The following FAM193A variants were observed in gnomAD, a reference collection of about 807,000 sequenced individuals.
The protein encoded by FAM193A is family with sequence similarity 193 member A.
In FAM193A, 22 loss-of-function variants were observed where a neutral mutation model predicts 126.5. The observed-to-expected ratio is 0.17, with a 90% CI of 0.12 to 0.25. The LOEUF (loss-of-function observed/expected upper bound fraction) is 0.25, where lower values mean the gene tolerates loss of function less well. FAM193A is among the 10% of genes least tolerant of loss of function. FAM193A has a pLI of 1.00. For synonymous variants in FAM193A, 761 were observed against 646.8 expected, an observed-to-expected ratio of 1.18 and a Z score of -2.68; for missense variants, 1,675 against 1,672.8, an observed-to-expected ratio of 1.00 and a Z score of -0.02.
chr4:2,557,891 G>A (rs1738355152), intron 1 of FAM193A, among the ~76,000 whole-genome samples: 1 of 152,076 alleles, frequency 6.6e-6, no homozygotes, highest in Non-Finnish European at 1.5e-5. Flanking sequence ...GGCAGAAGTT[G>A]CAGTGAGCCA....
At chr4:2,640,713 C>G (rs1744529752) in intron 6 of FAM193A, among the ~76,000 whole-genome samples, 2 of 152,148 alleles carry the variant, frequency 1.3e-5, no homozygotes, top group South Asian at 4.1e-4. Context: ...CCTGTAATTC[C>G]AACACTTTGG....
chr4:2,563,455 G>C (rs1177378993), intron 1 of FAM193A, among the ~76,000 whole-genome samples: 1 of 149,840 alleles, frequency 6.7e-6, no homozygotes, highest in South Asian at 2.2e-4. Context: ...TATAATCCCA[G>C]TACTTTTGGG....
chr4:2,657,758 A>G (rs1253034516), intron 7 of FAM193A, 45 bp from the exon 8 acceptor site: 5 of 1,273,444 alleles, frequency 3.9e-6, no homozygotes, highest in South Asian at 3.9e-5. Flanking sequence ...TGTCGCAGGT[A>G]TTAAAGTTTT....
intron 5 of FAM193A, among the ~76,000 whole-genome samples, chr4:2,638,242 C>T (rs1190614555): frequency 6.6e-6 from 1 of 152,198 alleles, no homozygotes; most frequent in African/African-American, 2.4e-5. Flanking sequence ...TCTTCTGTTC[C>T]CCGGGAACTC....
At chr4:2,644,043 C>G (rs953567899) in intron 6 of FAM193A, among the ~76,000 whole-genome samples, 1 of 152,172 alleles carries the variant, frequency 6.6e-6, no homozygotes, top group African/African-American at 2.4e-5. Flanking sequence ...ATGCTGCTGT[C>G]TTGTATTTGC....
rs376909276 is a variant in FAM193A at position 2,607,930 on chromosome 4, T to A, written c.501+11601T>A. On this transcript the variant is annotated intron_variant, in intron 2 of 20. Coordinates refer to ENST00000637812, the MANE Select transcript of FAM193A (RefSeq NM_001366318.2). ...GTTTTTCACTATGTGATGGTGTCGC[T>A]TTATGAACACAGATTCTTTTCTTTT... 5 of 1,326,252 alleles carry A rather than the reference T, an allele frequency of 3.8e-6. No homozygotes were observed. The South Asian group carries it at 5.3e-5, about 14-fold the overall frequency. 82.2% of individuals were successfully genotyped at this position (1,326,252 alleles called of 1,614,324 possible). A position where few individuals can be genotyped will look rare whatever the true frequency, so the allele number is the denominator to read the frequency against.
rs750424368 is a variant in FAM193A at position 2,693,764 on chromosome 4, C to T, written c.2982C>T (p.Pro994=). 6.2e-7 allele frequency: 1 copy of T among 1,614,202 alleles called. No individual in the cohort carries two copies. Among genetic ancestry groups the T allele is most frequent in the Non-Finnish European group, 8.5e-7 (1 of 1,180,032 alleles). The change falls in exon 16 of 21, where the codon CCC becomes CCT. Residue 994 remains proline, a synonymous_variant. Coordinates refer to ENST00000637812, the MANE Select transcript of FAM193A (RefSeq NM_001366318.2). ...CAAATCTTGCAGCCCCATCATTCCCCAAAACAGCAACCACAACTCCTGGGT... is the reference window on the plus strand; with the variant it reads ...CAAATCTTGCAGCCCCATCATTCCCTAAAACAGCAACCACAACTCCTGGGT... ...HLANLAAPSF[P]KTATTTPGFV...
At chr4:2,624,369 C>T (rs751664655) in intron 2 of FAM193A, among the ~76,000 whole-genome samples, 8 of 152,194 alleles carry the variant, frequency 5.3e-5, no homozygotes, top group African/African-American at 1.9e-4. Context: ...GTCTTGAACT[C>T]CTGACCTCAG....
chr4:2,585,585 T>C (rs934264731), intron 1 of FAM193A, among the ~76,000 whole-genome samples: 1 of 152,040 alleles, frequency 6.6e-6, no homozygotes, highest in Non-Finnish European at 1.5e-5. Context: ...CATTTTTCAC[T>C]TTTTTTTGTC....
At chr4:2,620,554 A>G (rs1742476555) in intron 2 of FAM193A, among the ~76,000 whole-genome samples, 1 of 151,892 alleles carries the variant, frequency 6.6e-6, no homozygotes, top group Admixed American at 6.6e-5. Flanking sequence ...AACATAAAGA[A>G]TAATTAGCAA....
In FAM193A at chr4:2,570,765, C is replaced by T. The variant is rs147317687; in HGVS notation, c.256-25319C>T. On this transcript the variant is annotated intron_variant, in intron 1 of 20. Coordinates refer to ENST00000637812, the MANE Select transcript of FAM193A (RefSeq NM_001366318.2). ...AGCTCCTCCTCAGATCAGGGCTAGGCTAGTTTTCAGGCCCCACTCCCCGGC... is the reference window on the plus strand; with the variant it reads ...AGCTCCTCCTCAGATCAGGGCTAGGTTAGTTTTCAGGCCCCACTCCCCGGC... Among the ~76,000 whole-genome samples the T allele has an allele frequency of 3.7e-3, 566 of 152,252 alleles. 5 individuals are homozygous for T. The highest frequency in any genetic ancestry group is 7.1e-3 in the Non-Finnish European group (480 of 68,012).
chr4:2,595,411 G>T (rs1314917219), intron 1 of FAM193A, among the ~76,000 whole-genome samples: 3 of 152,110 alleles, frequency 2.0e-5, no homozygotes, highest in Non-Finnish European at 4.4e-5. Context: ...TGATAGAGTG[G>T]GTGGTTATCT....
chr4:2,649,134 G>T (rs563695086), intron 7 of FAM193A, among the ~76,000 whole-genome samples: 4 of 152,318 alleles, frequency 2.6e-5, no homozygotes, highest in African/African-American at 7.2e-5. Context: ...AGCACTTTGG[G>T]AGGCTAAGGT....
At chr4:2,687,564 G>A (rs181339673) in intron 13 of FAM193A, among the ~76,000 whole-genome samples, 3 of 152,296 alleles carry the variant, frequency 2.0e-5, no homozygotes, top group East Asian at 3.9e-4. Context: ...CCTCATAGTG[G>A]AGCCAGCAGT....
chr4:2,628,276 T>A (rs541076067), intron 4 of FAM193A, among the ~76,000 whole-genome samples: 39 of 152,224 alleles, frequency 2.6e-4, no homozygotes, highest in Non-Finnish European at 3.4e-4. Context: ...CTCATTGAAT[T>A]CAGCCAAGTA....
At chr4:2,687,949 C>T (rs1232876364) in intron 13 of FAM193A, among the ~76,000 whole-genome samples, 4 of 152,198 alleles carry the variant, frequency 2.6e-5, no homozygotes, top group Non-Finnish European at 2.9e-5. Flanking sequence ...TCCCTCTGCC[C>T]CAGCCAGGCC....
intron 1 of FAM193A, among the ~76,000 whole-genome samples, chr4:2,585,799 G>T (rs921314650): frequency 6.6e-6 from 1 of 152,118 alleles, no homozygotes; most frequent in Non-Finnish European, 1.5e-5. Flanking sequence ...GTGGTGGCGG[G>T]CACCTGTAGT....
chr4:2,621,830 G>A (rs1742561217), intron 2 of FAM193A, among the ~76,000 whole-genome samples: 1 of 152,098 alleles, frequency 6.6e-6, no homozygotes, highest in Non-Finnish European at 1.5e-5. Flanking sequence ...GACTCGCTTA[G>A]GGAACAGCCT....
At chr4:2,696,284 TTA>T (rs1399132574) in intron 17 of FAM193A, 77 bp from the exon 18 acceptor site, 8 of 914,068 alleles carry the variant, frequency 8.8e-6, no homozygotes, top group Non-Finnish European at 1.2e-5. Context: ...ATAAAACAGT[TTA>T]TTTTTGGAGG....
Sources: allele counts gnomAD v4.1 joint callset (sites outside exome capture counted in the v4.1 genomes callset), GRCh38; gene constraint gnomAD v4.1.1; transcripts MANE v1.5; gene names NCBI Gene and HGNC (gene_info 2026-07-23, HGNC 2026-07-21).